The following ADK variants were observed in gnomAD, a reference collection of about 807,000 sequenced individuals.
ADK encodes adenosine kinase, also known as N6,N6-dimethyladenosine kinase.
ADK carries 24 observed loss-of-function variants against 44.7 expected under a neutral mutation model. The observed-to-expected ratio is 0.54, with a 90% CI of 0.39 to 0.76. The LOEUF (loss-of-function observed/expected upper bound fraction) is 0.76, where lower values mean the gene tolerates loss of function less well. ADK is among the 30% of genes least tolerant of loss of function. The pLI, the probability that ADK is intolerant of heterozygous loss-of-function variation, is 0.00. For missense variants in ADK, 321 were observed against 425.1 expected (o/e 0.76, Z 2.15); for synonymous variants, 128 against 142.6 (o/e 0.90, Z 0.73).
chr10:74,377,106 A>G (rs1017520095), intron 4 of ADK, among the ~76,000 whole-genome samples: 15 of 152,004 alleles, frequency 9.9e-5, no homozygotes, highest in Non-Finnish European at 2.2e-4. Flanking sequence ...TATATAGAAC[A>G]TTTTCCTTAC....
At chr10:74,694,917 C>G (rs117581476) in intron 10 of ADK, among the ~76,000 whole-genome samples, 1 of 151,472 alleles carries the variant, frequency 6.6e-6, no homozygotes, top group South Asian at 2.1e-4. Flanking sequence ...TACTATTTTT[C>G]CATTTACATT....
chr10:74,220,451 A>G (rs1425802955), intron 2 of ADK, among the ~76,000 whole-genome samples: 2 of 151,842 alleles, frequency 1.3e-5, no homozygotes, highest in Admixed American at 6.6e-5. Context: ...ACAAGGAGGA[A>G]CTGGTACCAT....
At chr10:74,395,166 A>T (rs1843464283) in intron 5 of ADK, among the ~76,000 whole-genome samples, 1 of 152,170 alleles carries the variant, frequency 6.6e-6, no homozygotes, top group Non-Finnish European at 1.5e-5. Context: ...ATAGTTGGAA[A>T]TATGTAGTCT....
At chr10:74,459,021 T>C (rs952478829) in intron 6 of ADK, among the ~76,000 whole-genome samples, 3 of 152,152 alleles carry the variant, frequency 2.0e-5, no homozygotes, top group Non-Finnish European at 4.4e-5. Context: ...GACTTATGCC[T>C]ATAATCCCAG....
intron 6 of ADK, among the ~76,000 whole-genome samples, chr10:74,446,577 A>T (rs1338396895): frequency 6.6e-6 from 1 of 152,166 alleles, no homozygotes; most frequent in Non-Finnish European, 1.5e-5. Context: ...AAGTATTGTG[A>T]TATAAGACTA....
At chr10:74,190,064 A>G (rs576916924) in intron 1 of ADK, among the ~76,000 whole-genome samples, 1 of 152,182 alleles carries the variant, frequency 6.6e-6, no homozygotes, top group East Asian at 1.9e-4. Context: ...ATTCATCTAC[A>G]AGTTTTTGTG....
At chr10:74,208,770 T>C (rs1316612999) in intron 2 of ADK, among the ~76,000 whole-genome samples, 2 of 152,118 alleles carry the variant, frequency 1.3e-5, no homozygotes, top group Non-Finnish European at 2.9e-5. Context: ...GGAGTCTTGC[T>C]CTGTCACCCA....
At chr10:74,208,140 G>A (rs892535275) in intron 2 of ADK, among the ~76,000 whole-genome samples, 4 of 152,274 alleles carry the variant, frequency 2.6e-5, no homozygotes, top group African/African-American at 9.6e-5. Context: ...CCAGGCATGG[G>A]AACAGGCACT....
At chr10:74,568,119 T>A (rs542768445) in intron 7 of ADK, among the ~76,000 whole-genome samples, 2 of 152,124 alleles carry the variant, frequency 1.3e-5, no homozygotes, top group African/African-American at 4.8e-5. Flanking sequence ...TCATAAACTT[T>A]GTTAAAAGAT....
At chr10:74,446,090 T>C (rs1845577061) in intron 6 of ADK, among the ~76,000 whole-genome samples, 1 of 152,100 alleles carries the variant, frequency 6.6e-6, no homozygotes, top group South Asian at 2.1e-4. Context: ...TTCTGCTAGT[T>C]GAATGCTGAA....
intron 6 of ADK, among the ~76,000 whole-genome samples, chr10:74,507,671 C>G (rs375387195): frequency 5.9e-5 from 9 of 152,160 alleles, no homozygotes; most frequent in African/African-American, 1.9e-4. Context: ...TTTTGTGTAG[C>G]ATCTTAACAA....
intron 6 of ADK, among the ~76,000 whole-genome samples, chr10:74,446,256 T>A (rs1191528668): frequency 1.3e-5 from 2 of 152,128 alleles, no homozygotes; most frequent in Non-Finnish European, 2.9e-5. Context: ...TTTAATTTAC[T>A]CTTTCAGGAA....
At chr10:74,231,956 T>G (rs1844779904) in intron 3 of ADK, among the ~76,000 whole-genome samples, 1 of 151,884 alleles carries the variant, frequency 6.6e-6, no homozygotes, top group Non-Finnish European at 1.5e-5. Flanking sequence ...TGCTTTTTTT[T>G]GTTTGTCTTT....
chr10:74,535,366 G>T (rs1002488637), intron 7 of ADK, among the ~76,000 whole-genome samples: 1 of 152,090 alleles, frequency 6.6e-6, no homozygotes, highest in African/African-American at 2.4e-5. Flanking sequence ...GGGAGGCTAA[G>T]GTGGGAGGAT....
intron 4 of ADK, among the ~76,000 whole-genome samples, chr10:74,374,134 A>T (rs1842752249): frequency 6.6e-6 from 1 of 152,074 alleles, no homozygotes; most frequent in African/African-American, 2.4e-5. Context: ...TGTGAAGATG[A>T]GGTTTTCGGA....
intron 6 of ADK, among the ~76,000 whole-genome samples, chr10:74,510,594 T>G (rs1373141153): frequency 6.6e-6 from 1 of 152,234 alleles, no homozygotes; most frequent in East Asian, 1.9e-4. Context: ...TTTTTACTTT[T>G]GTTGCTTGTG....
At chr10:74,231,034 C>T (rs902095954) in intron 3 of ADK, among the ~76,000 whole-genome samples, 13 of 151,982 alleles carry the variant, frequency 8.6e-5, no homozygotes, top group East Asian at 1.9e-4. Flanking sequence ...GACTTGGTAA[C>T]GGATCACAGA....
intron 7 of ADK, among the ~76,000 whole-genome samples, chr10:74,569,823 G>C (rs1564797276): frequency 6.6e-6 from 1 of 152,152 alleles, no homozygotes; most frequent in Admixed American, 6.5e-5. Context: ...ATTGCTTTTG[G>C]TGTCTTAGAT....
At chr10:74,302,101 G>GTTTTTTT (rs1564642239) in intron 3 of ADK, among the ~76,000 whole-genome samples, 5 of 11,704 alleles carry the variant, frequency 4.3e-4, no homozygotes, top group East Asian at 2.1e-3. Context: ...TTTTTTTTTT[G>GTTTTTTT]TTTGTTTGTT....
Sources: allele counts gnomAD v4.1 joint callset (sites outside exome capture counted in the v4.1 genomes callset), GRCh38; gene constraint gnomAD v4.1.1; transcripts MANE v1.5; gene names NCBI Gene and HGNC (gene_info 2026-07-23, HGNC 2026-07-21).